Variants in CANX observed in about 807,000 individuals in gnomAD.
CANX encodes the protein calnexin.
A neutral mutation model predicts 75.7 loss-of-function variants in CANX; 14 were observed. That is an observed-to-expected ratio of 0.19 (90% CI 0.12 to 0.29). The LOEUF (loss-of-function observed/expected upper bound fraction) is 0.29. CANX is among the 10% of genes least tolerant of loss of function. The pLI is 1.00. For synonymous variants in CANX, 227 were observed against 236.9 expected (o/e 0.96, Z 0.38); for missense variants, 567 against 713.2 (o/e 0.79, Z 2.34).
At chr5:179,693,226 A>T (rs527784660) in intron 1 of CANX, among the ~76,000 whole-genome samples, 65 of 152,154 alleles carry the variant, frequency 4.3e-4, no homozygotes, top group African/African-American at 1.1e-3. Context: ...AAGGAAAAAA[A>T]ATATATATGG....
At chr5:179,690,831 G>A (rs1184768880) in intron 1 of CANX, among the ~76,000 whole-genome samples, 4 of 151,960 alleles carry the variant, frequency 2.6e-5, no homozygotes, top group African/African-American at 9.7e-5. Context: ...AGAGCTTGCA[G>A]TGAGCCGTGA....
chr5:179,688,356 G>A (rs1776229553), intron 1 of CANX, among the ~76,000 whole-genome samples: 1 of 131,236 alleles, frequency 7.6e-6, no homozygotes, highest in South Asian at 2.5e-4. Flanking sequence ...CCTGGCCTAA[G>A]GTCAATTTTT....
intron 1 of CANX, among the ~76,000 whole-genome samples, chr5:179,680,432 G>C (rs1776033130): frequency 6.6e-6 from 1 of 152,106 alleles, no homozygotes; most frequent in African/African-American, 2.4e-5. Context: ...AAGGGGACCT[G>C]AAACAGCCTC....
intron 7 of CANX, among the ~76,000 whole-genome samples, chr5:179,711,606 T>A (rs972406697): frequency 6.6e-6 from 1 of 150,882 alleles, no homozygotes; most frequent in South Asian, 2.1e-4. Context: ...CTGGCCAACA[T>A]GGTGAAGCCC....
chr5:179,709,820 T>C (rs1777407116), intron 6 of CANX, 53 bp from the exon 7 acceptor site: 1 of 1,225,580 alleles, frequency 8.2e-7, no homozygotes, highest in Admixed American at 2.6e-5. Context: ...GAAACGTTGC[T>C]TTTGAACACT....
intron 7 of CANX, among the ~76,000 whole-genome samples, chr5:179,715,676 G>T (rs1777894116): frequency 6.6e-6 from 1 of 152,204 alleles, no homozygotes; most frequent in Non-Finnish European, 1.5e-5. Flanking sequence ...TGTAATTTCA[G>T]TAACGTAATA....
At chr5:179,694,163 AAAAAAAGG>A (rs1421481185), upstream of CANX, 1 of 214,194 alleles carries the variant, frequency 4.7e-6, no homozygotes, top group Non-Finnish European at 9.4e-6. Context: ...AAAAAAAAAA[AAAAAAAGG>A]AATGAGAGCG....
At chr5:179,683,184 A>G (rs1016900578) in intron 1 of CANX, among the ~76,000 whole-genome samples, 17 of 152,218 alleles carry the variant, frequency 1.1e-4, no homozygotes, top group Non-Finnish European at 1.9e-4. Flanking sequence ...GCTGGAGTGC[A>G]GTGGCGCTAC....
intron 10 of CANX, among the ~76,000 whole-genome samples, chr5:179,721,588 C>A (rs1282613745): frequency 6.6e-6 from 1 of 152,166 alleles, no homozygotes; most frequent in Non-Finnish European, 1.5e-5. Flanking sequence ...AGTCAGCTCA[C>A]TGCTTGGCCT....
chr5:179,726,780 A>G (rs753037590), intron 14 of CANX, 21 bp downstream of exon 14: 2 of 1,566,786 alleles, frequency 1.3e-6, no homozygotes, highest in South Asian at 1.1e-5. Flanking sequence ...GGGGTCACAC[A>G]TTTTGTTTTA....
upstream of CANX, among the ~76,000 whole-genome samples, chr5:179,695,860 G>T (rs1478743018): frequency 1.3e-5 from 2 of 149,098 alleles, no homozygotes; most frequent in Admixed American, 1.4e-4. Flanking sequence ...CCGTGGTCTC[G>T]ATCTCCTGAC....
intron 1 of CANX, chr5:179,680,797 C>A (rs1284839657): frequency 4.2e-6 from 5 of 1,200,732 alleles, no homozygotes; most frequent in East Asian, 5.2e-5. Context: ...AGCAGGGTTC[C>A]CTCTGTTATG....
Position 179,699,104 on chromosome 5 carries a change from T to C in CANX, c.-4+2T>C. Reference sequence around the variant, plus strand: ...CCCGCGGTCCCCGGGAGGCTAGAGGTGAGAGGGGAGACCTGAGCGCGTCCT... The same window carrying C: ...CCCGCGGTCCCCGGGAGGCTAGAGGCGAGAGGGGAGACCTGAGCGCGTCCT... On this transcript the variant is annotated splice_donor_variant, in intron 1 of 14. Transcript: ENST00000247461. LOFTEE classifies it low-confidence loss of function (5UTR_SPLICE). 1 of 1,057,762 alleles carries C rather than the reference T, an allele frequency of 9.5e-7. No individual in the cohort carries two copies. The highest frequency in any genetic ancestry group is 1.1e-6 in the Non-Finnish European group (1 of 870,136). 65.5% of individuals were successfully genotyped at this position (1,057,762 alleles called of 1,614,324 possible).
chr5:179,697,675 G>C (rs1340912019), upstream of CANX, among the ~76,000 whole-genome samples: 2 of 152,132 alleles, frequency 1.3e-5, no homozygotes, highest in East Asian at 1.9e-4. Context: ...GGGAGGCAGA[G>C]GCAGGTCGAT....
chr5:179,715,793 G>A (rs1009624478), intron 7 of CANX: 5 of 380,736 alleles, frequency 1.3e-5, no homozygotes, highest in Non-Finnish European at 2.4e-5. Flanking sequence ...CCCAATAATT[G>A]TGTTAGTTTA....
intron 1 of CANX, chr5:179,700,557 G>A (rs1223340005): frequency 1.3e-5 from 2 of 152,624 alleles, no homozygotes; most frequent in African/African-American, 4.8e-5. Flanking sequence ...GAGAATGCTC[G>A]AGTGAACTGT....
chr5:179,713,309 T>C (rs1409300954), intron 7 of CANX, among the ~76,000 whole-genome samples: 4 of 152,182 alleles, frequency 2.6e-5, no homozygotes, highest in Non-Finnish European at 5.9e-5. Flanking sequence ...GGCCATCTGT[T>C]GATCCGCCCA....
Position 179,728,648 on chromosome 5 carries a change from A to C in CANX, c.*4A>C, listed in dbSNP as rs1428761525. On this transcript the variant is annotated 3_prime_UTR_variant, in exon 15 of 15. Coordinates refer to ENST00000247461, the MANE Select transcript of CANX (RefSeq NM_001746.4). Reference sequence around the variant, plus strand: ...CAGAAAGCCACGAAGAGAGTGAAACAATCTTAAGAGCTTGATCTGTGATTT... The same window carrying C: ...CAGAAAGCCACGAAGAGAGTGAAACCATCTTAAGAGCTTGATCTGTGATTT... 1.2e-6 allele frequency: 2 copies of C among 1,603,764 alleles called. No individual in the cohort carries two copies. Among genetic ancestry groups the C allele is most frequent in the East Asian group, 2.2e-5 (1 of 44,800 alleles).
At chr5:179,697,253 G>T (rs995588312), upstream of CANX, among the ~76,000 whole-genome samples, 1 of 151,992 alleles carries the variant, frequency 6.6e-6, no homozygotes. Context: ...TGTAGAGACA[G>T]GGGTCTCACT....
Sources: gnomAD v4.1 joint callset for allele counts (sites outside exome capture counted in the v4.1 genomes callset) on GRCh38, gnomAD v4.1.1 for gene constraint, MANE v1.5 for transcripts, NCBI Gene and HGNC (gene_info 2026-07-23, HGNC 2026-07-21) for gene names.